The following ZDHHC19 variants were observed in gnomAD, a reference collection of about 807,000 sequenced individuals.
ZDHHC19 encodes zDHHC palmitoyltransferase 19.
A neutral mutation model predicts 33.9 loss-of-function variants in ZDHHC19; 30 were observed. The ratio of observed to expected loss-of-function variants is 0.88; its 90% CI spans 0.66 to 1.20. The LOEUF is 1.20. ZDHHC19 is among the 50% of genes most tolerant of loss of function. The probability of loss-of-function intolerance (pLI) is 0.00; values close to 1 mark genes in which losing one functional copy is unlikely to be tolerated. For synonymous variants in ZDHHC19, 178 were observed against 167.6 expected (o/e 1.06, Z -0.48); for missense variants, 364 against 401.1 (o/e 0.91, Z 0.79).
intron 5 of ZDHHC19, among the ~76,000 whole-genome samples, chr3:196,199,849 A>G (rs570256681): frequency 0.011 from 1,620 of 151,598 alleles, 47 homozygotes; most frequent in South Asian, 0.097. Flanking sequence ...GGAGGCTGAG[A>G]CAGAAGAATC....
chr3:196,208,686 A>G, intron 3 of ZDHHC19, 126 bp from the exon 4 acceptor site: 2 of 1,100,790 alleles, frequency 1.8e-6, no homozygotes, highest in Non-Finnish European at 2.6e-6. Context: ...ACTGGCTTCC[A>G]CCCCCAGGGA....
At chr3:196,211,107 TC>T in intron 1 of ZDHHC19, 62 bp downstream of exon 1, 3 of 1,612,842 alleles carry the variant, frequency 1.9e-6, no homozygotes, top group Non-Finnish European at 2.5e-6. Flanking sequence ...CTCCATCCTA[TC>T]ATCTTCTGTT....
At chr3:196,208,099 C>T (rs1428748786) in intron 4 of ZDHHC19, among the ~76,000 whole-genome samples, 1 of 151,756 alleles carries the variant, frequency 6.6e-6, no homozygotes, top group African/African-American at 2.4e-5. Context: ...GAGACGGGGT[C>T]TATGTTGCCC....
chr3:196,209,479 A>T lies in ZDHHC19; in HGVS notation c.305T>A (p.Val102Glu), dbSNP rs1253359638. 6.2e-7 allele frequency: 1 copy of T among 1,612,750 alleles called. No individual in the cohort carries two copies. The highest frequency in any genetic ancestry group is 2.2e-5 in the East Asian group (1 of 44,862). ...AEQGPLTVHV[V>E]WVNHGAFRLQ... ...GCGGAAGGCCCCGTGGTTCACCCAC[A>T]CCACGTGCACCGTCAAGGGGCCCTG... Residue 102 changes from valine to glutamate, a missense_variant, in exon 3 of 8, where the codon GTG becomes GAG. By Grantham distance (121) the Val-to-Glu change is moderately radical (BLOSUM62 -2). Coordinates refer to ENST00000296326, the MANE Select transcript of ZDHHC19 (RefSeq NM_001039617.2).
chr3:196,207,390 C>G lies in ZDHHC19; in HGVS notation c.687+8G>C. On this transcript the variant is annotated splice_region_variant and intron_variant, in intron 5 of 7. Coordinates refer to ENST00000296326, the MANE Select transcript of ZDHHC19 (RefSeq NM_001039617.2). ...AGGTGCAAGCTGACCACCCGCGGCC[C>G]CGCGTACCTTGCCCTTGTAGGTGCG... 6.4e-7 allele frequency: 1 copy of G among 1,552,700 alleles called. No individual in the cohort carries two copies. The highest frequency in any genetic ancestry group is 8.7e-7 in the Non-Finnish European group (1 of 1,148,618).
At chr3:196,199,882 T>C (rs774391220) in intron 5 of ZDHHC19, among the ~76,000 whole-genome samples, 19 of 151,844 alleles carry the variant, frequency 1.3e-4, no homozygotes, top group African/African-American at 1.7e-4. Context: ...GAGGCGGAGG[T>C]TGCAGTGAGC....
chr3:196,209,294 G>T, intron 3 of ZDHHC19, 82 bp downstream of exon 3: 10 of 1,501,318 alleles, frequency 6.7e-6, no homozygotes, highest in Non-Finnish European at 7.2e-6. Context: ...TTCACACCCA[G>T]CCCTGGCCCC....
chr3:196,200,888 G>T (rs889333311), intron 5 of ZDHHC19, among the ~76,000 whole-genome samples: 3 of 151,356 alleles, frequency 2.0e-5, no homozygotes, highest in African/African-American at 7.3e-5. Flanking sequence ...GGCCTCAAGC[G>T]ATCTTCCCAC....
intron 2 of ZDHHC19, among the ~76,000 whole-genome samples, 176 bp downstream of exon 2, chr3:196,210,440 G>GAGAT (rs1723191143): frequency 7.3e-6 from 1 of 137,166 alleles, no homozygotes; most frequent in Non-Finnish European, 1.5e-5. Context: ...GAAAGAGAAA[G>GAGAT]AAAGAAAGAA....
At chr3:196,198,004 C>T (rs764560155) in intron 7 of ZDHHC19, among the ~76,000 whole-genome samples, 4 of 152,140 alleles carry the variant, frequency 2.6e-5, no homozygotes, top group South Asian at 2.1e-4. Flanking sequence ...CTCAGTCCTG[C>T]GAGTAGGTGA....
intron 5 of ZDHHC19, among the ~76,000 whole-genome samples, chr3:196,206,584 C>T (rs1383498751): frequency 1.3e-5 from 2 of 152,080 alleles, no homozygotes; most frequent in Non-Finnish European, 2.9e-5. Context: ...AACTCCGGGG[C>T]TCAAGTGATC....
At position 196,207,500 on chromosome 3, in the gene ZDHHC19, G is replaced by A. The variant is rs1722838399; in HGVS notation, c.585C>T (p.Ile195=). Residue 195 remains isoleucine, a synonymous_variant, in exon 5 of 8, where the codon ATC becomes ATT. Transcript: ENST00000296326. ...LPFSTDKAIA[I]VVAVSAAGLL... is the part of the protein sequence containing the mutation. ...GGCCCGCGGCGGACACGGCCACCAC[G>A]ATGCTGCGCGGGTTAAGGAACCGGG... 1 of 1,556,250 alleles carries A rather than the reference G, an allele frequency of 6.4e-7. No individual in the cohort carries two copies. The highest frequency in any genetic ancestry group is 2.4e-5 in the East Asian group (1 of 41,310).
rs1182651501 is a variant in ZDHHC19 at position 196,210,677 on chromosome 3, A to G, written c.207T>C (p.Phe69=). 1.2e-6 allele frequency: 2 copies of G among 1,613,970 alleles called. No homozygotes were observed. Among genetic ancestry groups the G allele is most frequent in the Non-Finnish European group, 1.7e-6 (2 of 1,180,008 alleles). The change falls in exon 2 of 8, where the codon TTT becomes TTC. Residue 69 remains phenylalanine, a synonymous_variant. Transcript: ENST00000296326. The stretch of plus-strand genomic sequence containing the variant: ...AAACAAGACTGAAGAAGGTAAGGAC[A>G]AAGAGGGAGCCTGTGATAACAGGAA... ...WAFPVITGSL[F]VLTFFSLVSL...
chr3:196,199,886 A>G (rs946349815), intron 5 of ZDHHC19, among the ~76,000 whole-genome samples: 1 of 152,044 alleles, frequency 6.6e-6, no homozygotes, highest in Non-Finnish European at 1.5e-5. Flanking sequence ...CGGAGGTTGC[A>G]GTGAGCCGAG....
At position 196,207,382 on chromosome 3, in the gene ZDHHC19, C is replaced by T. The variant is rs139902270; in HGVS notation, c.687+16G>A. The T allele has an allele frequency of 0.031, 47,414 of 1,548,940 alleles. 844 individuals carry two copies. Among genetic ancestry groups the T allele is most frequent in the Non-Finnish European group, 0.037 (42,530 of 1,146,144 alleles). On this transcript the variant is annotated intron_variant, in intron 5 of 7. Coordinates refer to ENST00000296326, the MANE Select transcript of ZDHHC19 (RefSeq NM_001039617.2). ...GGTCCCCGAGGTGCAAGCTGACCAC[C>T]CGCGGCCCCGCGTACCTTGCCCTTG...
chr3:196,199,519 C>T (rs1722071254), intron 5 of ZDHHC19: 1 of 157,482 alleles, frequency 6.3e-6, no homozygotes, highest in Non-Finnish European at 1.4e-5. Flanking sequence ...ACAGCTGGCA[C>T]TCACTGGAGG....
intron 5 of ZDHHC19, among the ~76,000 whole-genome samples, chr3:196,206,402 G>A (rs2108732507): frequency 6.6e-6 from 1 of 152,196 alleles, no homozygotes; most frequent in Non-Finnish European, 1.5e-5. Context: ...AGGCTGGAGT[G>A]CAGTGGTGCA....
rs1157441707 is a variant in ZDHHC19 at position 196,209,010 on chromosome 3, C to A, written c.408+366G>T. 4 of 291,082 alleles carry A rather than the reference C, an allele frequency of 1.4e-5. No homozygotes were observed. In the Admixed American group the frequency reaches 1.4e-4, roughly 10 times the overall value. 18.0% of individuals were successfully genotyped at this position (291,082 alleles called of 1,614,324 possible). Reference sequence around the variant, plus strand: ...CAGGAGACCCTCCAACTTGGACACCCAGGCGAGGACAGGCAAGGCCTCCCA... The same window carrying A: ...CAGGAGACCCTCCAACTTGGACACCAAGGCGAGGACAGGCAAGGCCTCCCA... On this transcript the variant is annotated intron_variant, in intron 3 of 7. Transcript: ENST00000296326.
chr3:196,209,984 G>A (rs186782098), intron 2 of ZDHHC19, among the ~76,000 whole-genome samples: 2 of 152,312 alleles, frequency 1.3e-5, no homozygotes, highest in Admixed American at 6.5e-5. Context: ...GAGGTCAGGA[G>A]TTCGAGACCA....
Sources: gnomAD v4.1 joint callset for allele counts (sites outside exome capture counted in the v4.1 genomes callset) on GRCh38, gnomAD v4.1.1 for gene constraint, MANE v1.5 for transcripts, NCBI Gene and HGNC (gene_info 2026-07-23, HGNC 2026-07-21) for gene names.